The following PDE5A variants were observed in gnomAD, a reference collection of about 807,000 sequenced individuals.
PDE5A encodes the protein phosphodiesterase 5A, also known as cGMP-specific 3',5'-cyclic phosphodiesterase.
A neutral mutation model predicts 110.2 loss-of-function variants in PDE5A; 67 were observed. That is an observed-to-expected ratio of 0.61 (90% CI 0.50 to 0.75). The LOEUF (loss-of-function observed/expected upper bound fraction) is 0.75, where lower values mean the gene tolerates loss of function less well. Ranked by LOEUF, PDE5A falls within the 30% of genes least tolerant of loss-of-function variation. PDE5A has a pLI of 0.00. For synonymous variants in PDE5A, 328 were observed against 351.2 expected, an observed-to-expected ratio of 0.93 and a Z score of 0.74; for missense variants, 862 against 1,045.1, an observed-to-expected ratio of 0.82 and a Z score of 2.42.
chr4:119,573,323 C>G (rs1312716507), intron 3 of PDE5A, among the ~76,000 whole-genome samples: 2 of 152,222 alleles, frequency 1.3e-5, no homozygotes, highest in African/African-American at 4.8e-5. Context: ...CCATTAACCT[C>G]ACATCCTTAT....
At chr4:119,618,436 AAGAG>A (rs927730586) in intron 1 of PDE5A, among the ~76,000 whole-genome samples, 3 of 152,130 alleles carry the variant, frequency 2.0e-5, no homozygotes, top group African/African-American at 7.2e-5. Flanking sequence ...ATTAAAATAA[AAGAG>A]AGAGGGCTGT....
intron 3 of PDE5A, among the ~76,000 whole-genome samples, chr4:119,586,422 A>G (rs929769365): frequency 1.3e-5 from 2 of 152,208 alleles, no homozygotes; most frequent in African/African-American, 4.8e-5. Flanking sequence ...AGCATTTAAC[A>G]ACAAGGAATA....
chr4:119,498,795 C>A, intron 20 of PDE5A, 57 bp from the exon 21 acceptor site: 1 of 1,593,248 alleles, frequency 6.3e-7, no homozygotes, highest in Non-Finnish European at 8.6e-7. Context: ...AAGTCCTCTC[C>A]CACAGGCCTG....
At chr4:119,501,539 T>G (rs918419370) in intron 19 of PDE5A, among the ~76,000 whole-genome samples, 4 of 152,180 alleles carry the variant, frequency 2.6e-5, no homozygotes, top group Non-Finnish European at 5.9e-5. Context: ...CCTCAAGGGA[T>G]CTGACTGCCT....
chr4:119,600,123 T>C (rs1021962090), intron 2 of PDE5A, among the ~76,000 whole-genome samples: 2 of 152,026 alleles, frequency 1.3e-5, no homozygotes, highest in African/African-American at 4.8e-5. Context: ...GGAAATTCTG[T>C]AGTCTAAAGA....
chr4:119,593,300 G>A (rs1157015278), intron 3 of PDE5A, among the ~76,000 whole-genome samples: 3 of 152,130 alleles, frequency 2.0e-5, no homozygotes, highest in African/African-American at 7.2e-5. Context: ...GCTTTGTTTT[G>A]TAATAGACAC....
rs1193288634 is a variant in PDE5A, at chr4:119,541,615, T to C, written c.1572+844A>G. On this transcript the variant is annotated intron_variant, in intron 10 of 20. Coordinates refer to ENST00000354960, the MANE Select transcript of PDE5A (RefSeq NM_001083.4). ...CTCTAGCTCTTTAAGGTTAGTTATG[T>C]ACTTAAGAGAGATTGAGGGAAATGT... 3 of 152,260 alleles carry C rather than the reference T, an allele frequency of 2.0e-5. No individual in the cohort carries two copies. The East Asian group carries it at 5.8e-4, about 29-fold the overall frequency. The allele number at this position is 152,260 out of a possible 1,614,324, so 9.4% of individuals were successfully genotyped here. A position where few individuals can be genotyped will look rare whatever the true frequency, so the allele number is the denominator to read the frequency against.
intron 1 of PDE5A, among the ~76,000 whole-genome samples, chr4:119,618,669 C>T (rs190778839): frequency 1.5e-4 from 22 of 150,018 alleles, no homozygotes; most frequent in African/African-American, 2.9e-4. Context: ...TATTTTTTCC[C>T]AAAATATAAA....
intron 3 of PDE5A, 115 bp from the exon 4 acceptor site, chr4:119,567,259 T>G: frequency 1.4e-6 from 1 of 724,242 alleles, no homozygotes; most frequent in East Asian, 2.6e-5. Flanking sequence ...AACACTAGTC[T>G]ACAAAACAAA....
In PDE5A at chr4:119,599,466, T is replaced by C. The variant is rs182891360; in HGVS notation, c.742-2854A>G. Among the ~76,000 whole-genome samples, 3 of 151,778 alleles carry C rather than the reference T, an allele frequency of 2.0e-5. No individual in the cohort carries two copies. The East Asian group carries it at 5.8e-4, about 29-fold the overall frequency. The stretch of plus-strand genomic sequence containing the variant: ...TATAGTAATAACTTCTTTGCAGAGA[T>C]AGGAATCTCTGCAAGGAAAGAAAAA... On this transcript the variant is annotated intron_variant, in intron 2 of 20. Transcript: ENST00000354960.
intron 14 of PDE5A, among the ~76,000 whole-genome samples, chr4:119,515,174 C>T (rs924904997): frequency 2.0e-5 from 3 of 149,032 alleles, no homozygotes; most frequent in Non-Finnish European, 4.5e-5. Flanking sequence ...AGTCAGATCT[C>T]CAGGCTCTCA....
intron 12 of PDE5A, among the ~76,000 whole-genome samples, chr4:119,523,593 G>A (rs1422248327): frequency 6.6e-6 from 1 of 151,974 alleles, no homozygotes; most frequent in African/African-American, 2.4e-5. Flanking sequence ...AGAAAAGGTA[G>A]GATGATGAAT....
chr4:119,503,603 G>A (rs540879104), intron 18 of PDE5A, among the ~76,000 whole-genome samples: 1 of 152,226 alleles, frequency 6.6e-6, no homozygotes, highest in East Asian at 1.9e-4. Flanking sequence ...AAACAAGTAA[G>A]CCAGAAGTAT....
chr4:119,537,238 T>C (rs1327336852), intron 11 of PDE5A, among the ~76,000 whole-genome samples: 2 of 151,916 alleles, frequency 1.3e-5, no homozygotes, highest in Admixed American at 6.6e-5. Context: ...TCGGGCAACA[T>C]CCTTCATAGC....
chr4:119,579,945 T>C (rs1420549494), intron 3 of PDE5A, among the ~76,000 whole-genome samples: 1 of 152,184 alleles, frequency 6.6e-6, no homozygotes, highest in Non-Finnish European at 1.5e-5. Context: ...GAGGCCCATG[T>C]GCCAAGTTCC....
At chr4:119,579,297 T>C (rs1372648874) in intron 3 of PDE5A, among the ~76,000 whole-genome samples, 1 of 152,212 alleles carries the variant, frequency 6.6e-6, no homozygotes, top group Non-Finnish European at 1.5e-5. Flanking sequence ...CTCAGGAATC[T>C]AGAACTAGAA....
chr4:119,562,186 C>T (rs985852259), intron 6 of PDE5A, among the ~76,000 whole-genome samples: 3 of 152,218 alleles, frequency 2.0e-5, no homozygotes, highest in Non-Finnish European at 2.9e-5. Flanking sequence ...TACTGGCAAA[C>T]TCAAGACAGC....
At chr4:119,582,868 C>T (rs1200881925) in intron 3 of PDE5A, among the ~76,000 whole-genome samples, 2 of 152,192 alleles carry the variant, frequency 1.3e-5, no homozygotes, top group Admixed American at 1.3e-4. Flanking sequence ...GTAAATCATG[C>T]TGTAAACAAA....
At chr4:119,552,193 A>C (rs1727377739) in intron 9 of PDE5A, among the ~76,000 whole-genome samples, 1 of 152,182 alleles carries the variant, frequency 6.6e-6, no homozygotes, top group Admixed American at 6.5e-5. Flanking sequence ...AAATAAATAT[A>C]ACCTATAACC....
Sources: gnomAD v4.1 joint callset for allele counts (sites outside exome capture counted in the v4.1 genomes callset) on GRCh38, gnomAD v4.1.1 for gene constraint, MANE v1.5 for transcripts, NCBI Gene and HGNC (gene_info 2026-07-23, HGNC 2026-07-21) for gene names.